RBFOX1: variants seen among roughly 807,000 people sequenced by gnomAD.
RBFOX1 encodes the protein RNA binding fox-1 homolog 1.
RBFOX1 carries 8 observed loss-of-function variants against 57.7 expected under a neutral mutation model. That is an observed-to-expected ratio of 0.14 (90% CI 0.08 to 0.25). The LOEUF is 0.25. RBFOX1 is among the 10% of genes least tolerant of loss of function. RBFOX1 has a pLI of 1.00. For synonymous variants in RBFOX1, 326 were observed against 222.4 expected, an observed-to-expected ratio of 1.47 and a Z score of -4.15; for missense variants, 611 against 548.5, an observed-to-expected ratio of 1.11 and a Z score of -1.14.
intron 3 of RBFOX1, among the ~76,000 whole-genome samples, chr16:5,617,678 C>A (rs948152508): frequency 1.3e-5 from 2 of 152,156 alleles, no homozygotes; most frequent in Admixed American, 6.5e-5. Context: ...GAGGACTATA[C>A]CCTGGAAAGC....
At chr16:6,876,264 C>T (rs2061829729) in intron 3 of RBFOX1, among the ~76,000 whole-genome samples, 1 of 152,092 alleles carries the variant, frequency 6.6e-6, no homozygotes, top group Non-Finnish European at 1.5e-5. Flanking sequence ...TCTTTCTATT[C>T]TTGGGAATTG....
intron 4 of RBFOX1, among the ~76,000 whole-genome samples, chr16:7,517,619 C>G (rs1224584687): frequency 6.6e-6 from 1 of 151,926 alleles, no homozygotes; most frequent in Non-Finnish European, 1.5e-5. Context: ...TAAAAGGATA[C>G]TCCCTATTCC....
chr16:6,626,479 G>A (rs949119821), intron 2 of RBFOX1, among the ~76,000 whole-genome samples: 9 of 152,140 alleles, frequency 5.9e-5, no homozygotes, highest in Non-Finnish European at 8.8e-5. Context: ...CAGAATTCAC[G>A]CTGGGCATGG....
intron 12 of RBFOX1, among the ~76,000 whole-genome samples, chr16:7,664,507 C>G (rs1056980591): frequency 1.2e-4 from 18 of 152,192 alleles, no homozygotes; most frequent in Non-Finnish European, 2.2e-4. Context: ...TCGACCTTTA[C>G]AATCCGATTT....
At chr16:6,229,448 G>T (rs907080354) in intron 1 of RBFOX1, among the ~76,000 whole-genome samples, 4 of 152,234 alleles carry the variant, frequency 2.6e-5, no homozygotes, top group Non-Finnish European at 4.4e-5. Flanking sequence ...TGTTCTGTGT[G>T]TTTGAATCAA....
intron 3 of RBFOX1, among the ~76,000 whole-genome samples, chr16:5,679,982 A>C (rs1490517981): frequency 2.6e-5 from 4 of 152,198 alleles, no homozygotes; most frequent in Non-Finnish European, 5.9e-5. Context: ...TTTTAAGAAA[A>C]GGAGGAACAA....
intron 4 of RBFOX1, among the ~76,000 whole-genome samples, chr16:7,091,776 G>C (rs1420209538): frequency 6.6e-6 from 1 of 152,138 alleles, no homozygotes; most frequent in African/African-American, 2.4e-5. Flanking sequence ...AGCTTTTTCT[G>C]ATCTGTACTC....
intron 2 of RBFOX1, among the ~76,000 whole-genome samples, chr16:6,633,909 G>T (rs537007632): frequency 6.3e-4 from 96 of 152,268 alleles, no homozygotes; most frequent in Middle Eastern, 3.4e-3. Flanking sequence ...GACTCAGGAG[G>T]CTGAGGTAGG....
chr16:5,820,601 G>A (rs982503199), intron 3 of RBFOX1, among the ~76,000 whole-genome samples: 25 of 152,142 alleles, frequency 1.6e-4, no homozygotes, highest in African/African-American at 6.0e-4. Flanking sequence ...TTGTCAGAGG[G>A]CACCTGAAAA....
chr16:5,442,958 CAG>C (rs1177836024), intron 1 of RBFOX1, among the ~76,000 whole-genome samples: 2 of 152,100 alleles, frequency 1.3e-5, no homozygotes, highest in Non-Finnish European at 2.9e-5. Context: ...GACACAGACA[CAG>C]GGGGACAAAC....
At chr16:5,950,851 A>C (rs2152276177) in intron 4 of RBFOX1, among the ~76,000 whole-genome samples, 1 of 152,206 alleles carries the variant, frequency 6.6e-6, no homozygotes, top group African/African-American at 2.4e-5. Flanking sequence ...CAGTGGTCCA[A>C]GTGCCAGGAG....
intron 1 of RBFOX1, among the ~76,000 whole-genome samples, chr16:5,443,479 A>G (rs1450602332): frequency 1.3e-5 from 2 of 152,200 alleles, no homozygotes; most frequent in African/African-American, 2.4e-5. Context: ...CTGGGATTAC[A>G]GGCACACGCC....
intron 1 of RBFOX1, among the ~76,000 whole-genome samples, chr16:6,045,519 A>G (rs1433447265): frequency 6.6e-6 from 1 of 152,226 alleles, no homozygotes; most frequent in Admixed American, 6.5e-5. Flanking sequence ...GCATTCATTC[A>G]TTCATTTGTT....
At chr16:5,991,747 G>A (rs1177674506) in intron 4 of RBFOX1, among the ~76,000 whole-genome samples, 2 of 151,554 alleles carry the variant, frequency 1.3e-5, no homozygotes, top group African/African-American at 2.4e-5. Flanking sequence ...ACAGACCCGG[G>A]AAAATCCCAG....
intron 2 of RBFOX1, among the ~76,000 whole-genome samples, chr16:5,468,005 G>A (rs1436428818): frequency 1.3e-5 from 2 of 152,160 alleles, no homozygotes; most frequent in Non-Finnish European, 1.5e-5. Context: ...AGTGGCAAAG[G>A]AGGCTTTGTG....
At chr16:5,918,367 G>A (rs781164299) in intron 4 of RBFOX1, among the ~76,000 whole-genome samples, 13 of 152,252 alleles carry the variant, frequency 8.5e-5, no homozygotes, top group South Asian at 2.1e-4. Context: ...TGATCCACTC[G>A]CCTTCGCCTC....
chr16:6,587,251 C>G (rs1041693842), intron 2 of RBFOX1, among the ~76,000 whole-genome samples: 5 of 151,914 alleles, frequency 3.3e-5, no homozygotes, highest in Non-Finnish European at 5.9e-5. Flanking sequence ...TAAGATTCCA[C>G]ATACAAATGA....
chr16:7,693,362 C>T (rs1349303586), intron 14 of RBFOX1: 1 of 1,610,176 alleles, frequency 6.2e-7, no homozygotes, highest in African/African-American at 1.3e-5. Context: ...TGTAACACCT[C>T]TGCAGGTAAC....
At position 5,842,105 on chromosome 16, in the gene RBFOX1, A is replaced by G. The variant is rs551962639; in HGVS notation, c.319-25198A>G. On this transcript the variant is annotated intron_variant, in intron 3 of 19. Transcript: ENST00000641259. ...TGGATTTTGTGTGTCAGGTTCCTGGAGAGAGGCCTGGAAGAGTGAGAAGGA... is the reference window on the plus strand; with the variant it reads ...TGGATTTTGTGTGTCAGGTTCCTGGGGAGAGGCCTGGAAGAGTGAGAAGGA... 9.9e-5 allele frequency among the ~76,000 whole-genome samples: 15 copies of G among 152,170 alleles called. No homozygotes were observed. The South Asian group carries it at 2.7e-3, about 27-fold the overall frequency.
Sources: gnomAD v4.1 joint callset for allele counts (sites outside exome capture counted in the v4.1 genomes callset) on GRCh38, gnomAD v4.1.1 for gene constraint, MANE v1.5 for transcripts, NCBI Gene and HGNC (gene_info 2026-07-23, HGNC 2026-07-21) for gene names.